CUBN: variants seen among roughly 807,000 people sequenced by gnomAD.
CUBN encodes cubilin.
A neutral mutation model predicts 405.3 loss-of-function variants in CUBN; 282 were observed. The observed-to-expected ratio is 0.70, with a 90% CI of 0.63 to 0.77. CUBN has a LOEUF of 0.77. Ranked by LOEUF, CUBN falls within the 30% of genes least tolerant of loss-of-function variation. CUBN has a pLI of 0.00. For synonymous variants in CUBN, 1,684 were observed against 1,617.0 expected, an observed-to-expected ratio of 1.04 and a Z score of -0.99; for missense variants, 4,514 against 4,475.2, an observed-to-expected ratio of 1.01 and a Z score of -0.25.
intron 50 of CUBN, 133 bp downstream of exon 50, chr10:16,906,070 C>T (rs1841544594): frequency 1.3e-6 from 1 of 751,110 alleles, no homozygotes. Flanking sequence ...GTTATGATCA[C>T]ACCACTGCAC....
intron 18 of CUBN, 90 bp from the exon 19 acceptor site, chr10:17,071,694 TA>T: frequency 1.4e-6 from 2 of 1,465,030 alleles, no homozygotes; most frequent in Non-Finnish European, 1.9e-6. Context: ...CCTGAGGAGA[TA>T]ACCGAATATA....
At position 16,907,608 on chromosome 10, in the gene CUBN, C is replaced by T. The variant is rs775998824; in HGVS notation, c.7605G>A (p.Glu2535=). The stretch of plus-strand genomic sequence containing the variant: ...TCATTGTGTTTCCTGAAGATTTAAT[C>T]TCATTGCTTACATTCACACTACTAC... ...KLCSSVNVSN[E]IKSSGNTMKV... is the part of the protein sequence containing the mutation. The change falls in exon 49 of 67, where the codon GAG becomes GAA. Residue 2535 remains glutamate (E), a synonymous_variant. Coordinates refer to ENST00000377833, the MANE Select transcript of CUBN (RefSeq NM_001081.4). 1 of 1,613,318 alleles carries T rather than the reference C, an allele frequency of 6.2e-7. No individual in the cohort carries two copies. The highest frequency in any genetic ancestry group is 8.5e-7 in the Non-Finnish European group (1 of 1,180,012).
At chr10:16,845,402 C>T (rs1839482015) in intron 60 of CUBN, among the ~76,000 whole-genome samples, 1 of 152,128 alleles carries the variant, frequency 6.6e-6, no homozygotes, top group African/African-American at 2.4e-5. Context: ...ATTGCAGAAC[C>T]TCTGATGAGG....
At chr10:16,994,759 A>G (rs1833685263) in intron 28 of CUBN, among the ~76,000 whole-genome samples, 1 of 152,204 alleles carries the variant, frequency 6.6e-6, no homozygotes, top group Non-Finnish European at 1.5e-5. Flanking sequence ...GATTTAGAAA[A>G]GCCTTTCAAA....
chr10:16,884,201 C>T (rs1483211295), intron 56 of CUBN, among the ~76,000 whole-genome samples: 2 of 152,154 alleles, frequency 1.3e-5, no homozygotes, highest in South Asian at 2.1e-4. Flanking sequence ...CCAGGATGTT[C>T]TCGACCCCCT....
chr10:16,953,168 G>A (rs1468030457), intron 32 of CUBN, among the ~76,000 whole-genome samples: 3 of 152,144 alleles, frequency 2.0e-5, no homozygotes, highest in African/African-American at 7.2e-5. Flanking sequence ...ACTTTGGAGA[G>A]AGATGGGGTA....
At chr10:16,826,332 A>C (rs1838781558) in intron 66 of CUBN, among the ~76,000 whole-genome samples, 1 of 152,212 alleles carries the variant, frequency 6.6e-6, no homozygotes, top group Admixed American at 6.5e-5. Flanking sequence ...TGTATACTTA[A>C]GGAGTATACA....
At chr10:16,927,358 T>G (rs1842222663) in intron 41 of CUBN, among the ~76,000 whole-genome samples, 1 of 152,092 alleles carries the variant, frequency 6.6e-6, no homozygotes, top group African/African-American at 2.4e-5. Flanking sequence ...TGAAAATGTA[T>G]CTTAGGTCTA....
At chr10:17,085,492 TA>T in intron 16 of CUBN, 104 bp downstream of exon 16, 1 of 1,175,528 alleles carries the variant, frequency 8.5e-7, no homozygotes, top group Non-Finnish European at 1.3e-6. Context: ...GTTCTTGGTC[TA>T]AGACAGTCAG....
chr10:17,086,028 C>A (rs978338290), intron 15 of CUBN, among the ~76,000 whole-genome samples: 1 of 147,582 alleles, frequency 6.8e-6, no homozygotes, highest in Admixed American at 6.8e-5. Context: ...TGCAGTGGTG[C>A]GATCTCAGCT....
At chr10:16,978,266 C>G (rs780008280) in intron 31 of CUBN, among the ~76,000 whole-genome samples, 2 of 152,260 alleles carry the variant, frequency 1.3e-5, no homozygotes, top group East Asian at 1.9e-4. Flanking sequence ...TCAGTAAAGG[C>G]CCTGCAGGAA....
chr10:16,892,136 T>C (rs1309456825), intron 54 of CUBN, among the ~76,000 whole-genome samples: 1 of 152,220 alleles, frequency 6.6e-6, no homozygotes, highest in Admixed American at 6.5e-5. Flanking sequence ...CACTGATTCA[T>C]AGCATTGGTT....
chr10:16,914,277 G>C (rs1390506947), intron 47 of CUBN, among the ~76,000 whole-genome samples: 1 of 152,054 alleles, frequency 6.6e-6, no homozygotes, highest in Non-Finnish European at 1.5e-5. Flanking sequence ...TAAGAATCAG[G>C]AAAATCGGGC....
At chr10:16,975,895 C>T (rs934707280) in intron 31 of CUBN, among the ~76,000 whole-genome samples, 6 of 151,726 alleles carry the variant, frequency 4.0e-5, no homozygotes, top group African/African-American at 1.5e-4. Flanking sequence ...TCCCAAAGTG[C>T]TGGGATTACA....
At chr10:17,100,519 C>A (rs1836472329) in intron 13 of CUBN, among the ~76,000 whole-genome samples, 2 of 152,094 alleles carry the variant, frequency 1.3e-5, no homozygotes, top group African/African-American at 4.8e-5. Flanking sequence ...TCCACCAGAC[C>A]AAGGTATGTC....
chr10:16,957,001 C>T (rs1260553628), intron 31 of CUBN, among the ~76,000 whole-genome samples: 5 of 152,090 alleles, frequency 3.3e-5, no homozygotes, highest in Non-Finnish European at 7.4e-5. Context: ...TCAATTCAAA[C>T]ATTTATCATT....
intron 17 of CUBN, among the ~76,000 whole-genome samples, chr10:17,078,998 T>C (rs1835913306): frequency 6.6e-6 from 1 of 152,166 alleles, no homozygotes; most frequent in South Asian, 2.1e-4. Flanking sequence ...CTACAAGTTC[T>C]CACAACTCCA....
chr10:16,948,492 G>A lies in CUBN; in HGVS notation c.5195C>T (p.Thr1732Ile), dbSNP rs376495716. ...GGGTTTCTTACCCGACACTGATGCG[G>A]TGACCGTGGTGTGGAAACCCCCAGC... is the stretch of plus-strand genomic sequence containing the variant. ...ISAGGFHTTV[T>I]ASVSACGGTF... is the part of the protein sequence containing the mutation. Residue 1732 changes from threonine (T) to isoleucine (I), a missense_variant, in exon 35 of 67, where the codon ACC becomes ATC. Thr to Ile is a moderately conservative substitution (Grantham distance 89). Around this residue, in one of 5 missense-constraint regions of CUBN, gnomAD observed 1,613 missense variants for 1,542.8 expected, o/e 1.05. Coordinates refer to ENST00000377833, the MANE Select transcript of CUBN (RefSeq NM_001081.4). 1.9e-6 allele frequency: 3 copies of A among 1,613,878 alleles called. No homozygotes were observed. The highest frequency in any genetic ancestry group is 2.5e-6 in the Non-Finnish European group (3 of 1,179,942).
At chr10:16,981,594 G>T (rs1030408208) in intron 31 of CUBN, among the ~76,000 whole-genome samples, 14 of 152,196 alleles carry the variant, frequency 9.2e-5, no homozygotes, top group African/African-American at 3.4e-4. Flanking sequence ...TCTCCGAGAT[G>T]GCAGAGCTAA....
Sources: gnomAD v4.1 joint callset for allele counts (sites outside exome capture counted in the v4.1 genomes callset) on GRCh38, gnomAD v4.1.1 for gene constraint, gnomAD v4.1.1 regional missense constraint, MANE v1.5 for transcripts, NCBI Gene and HGNC (gene_info 2026-07-23, HGNC 2026-07-21) for gene names.